Variants in PPT1 observed in about 807,000 individuals in gnomAD.
PPT1 encodes ceroid-palmitoyl-palmitoyl-protein thioesterase 1.
Under a neutral mutation model 44.0 loss-of-function variants are expected in PPT1, and 24 were observed. That is an observed-to-expected ratio of 0.54 (90% CI 0.39 to 0.77). PPT1 has a LOEUF of 0.77. Ranked by LOEUF, PPT1 falls within the 30% of genes least tolerant of loss-of-function variation. The pLI is 0.00. For synonymous variants in PPT1, 148 were observed against 140.2 expected (o/e 1.06, Z -0.39); for missense variants, 341 against 378.8 (o/e 0.90, Z 0.83).
At chr1:40,096,993 G>T in intron 1 of PPT1, 122 bp downstream of exon 1, 1 of 1,550,786 alleles carries the variant, frequency 6.4e-7, no homozygotes, top group Non-Finnish European at 8.9e-7. Context: ...ATCCTAAAAT[G>T]TCGAGGCAGC....
intron 6 of PPT1, among the ~76,000 whole-genome samples, chr1:40,079,676 G>A (rs753656709): frequency 5.3e-5 from 8 of 152,076 alleles, no homozygotes; most frequent in South Asian, 2.1e-4. Context: ...GATTACAGGC[G>A]TGAGCCACCA....
In PPT1 at chr1:40,080,615, C is replaced by A. The variant is rs998878283; in HGVS notation, c.537-128G>T. The stretch of plus-strand genomic sequence containing the variant: ...GGCCAGCCAGGCACAGTGGCTCACA[C>A]CTGTAATCCCAGCACTTTGGGAGGC... On this transcript the variant is annotated intron_variant, in intron 5 of 8. Coordinates refer to ENST00000642050, the MANE Select transcript of PPT1 (RefSeq NM_000310.4). The A allele has an allele frequency of 5.1e-5, 42 of 831,088 alleles. No individual in the cohort carries two copies. In the African/African-American group the frequency reaches 6.1e-4, roughly 12 times the overall value. The allele number at this position is 831,088 out of a possible 1,614,324, so 51.5% of individuals were successfully genotyped here.
rs749473578 is a variant in PPT1 at position 40,092,050 on chromosome 1, T to C, written c.357A>G (p.Gln119=). ...TATAACAAAAAGGAACGTACAGAAA[T>C]TGGCCTCCCTGGGAGAATCCCATAG... The part of the protein sequence containing the change: ...YNAMGFSQGG[Q]FLRAVAQRCP... Residue 119 remains glutamine, a synonymous_variant, in exon 3 of 9, where the codon CAA becomes CAG. Transcript: ENST00000642050. 6.2e-7 allele frequency: 1 copy of C among 1,613,924 alleles called. No homozygotes were observed. Among genetic ancestry groups the C allele is most frequent in the African/African-American group, 1.3e-5 (1 of 74,928 alleles).
intron 3 of PPT1, among the ~76,000 whole-genome samples, chr1:40,091,750 A>G (rs1320432818): frequency 2.0e-5 from 3 of 151,946 alleles, no homozygotes; most frequent in Non-Finnish European, 4.4e-5. Context: ...CTATAGTCCC[A>G]GCTACTCGGG....
rs1126973 is a variant in PPT1 at position 40,073,404 on chromosome 1, C to T, written c.*657G>A. 0.7 allele frequency: 107,105 copies of T among 152,628 alleles called. 37,758 individuals are homozygous for T. The highest frequency in any genetic ancestry group is 0.74 in the Non-Finnish European group (50,726 of 68,412). 9.5% of individuals were successfully genotyped at this position (152,628 alleles called of 1,614,324 possible). A position where few individuals can be genotyped will look rare whatever the true frequency, so the allele number is the denominator to read the frequency against. ...GATGTACATTTCCTCTCTTAAGCAA[C>T]TTAATTTGGGTGCTACTTCCCTCCT... is the stretch of plus-strand genomic sequence containing the variant. On this transcript the variant is annotated 3_prime_UTR_variant, in exon 9 of 9. Coordinates refer to ENST00000642050, the MANE Select transcript of PPT1 (RefSeq NM_000310.4).
chr1:40,076,862 C>G lies in PPT1; in HGVS notation c.778G>C (p.Glu260Gln). Residue 260 changes from glutamate (E) to glutamine (Q), a missense_variant, in exon 8 of 9, where the codon GAG (glutamate) becomes CAG (glutamine). Glu to Gln is a conservative substitution (Grantham distance 29). Transcript: ENST00000642050. ...GTTACCTGTGTGTACAGGGAGGTCT[C>G]CTGTAAGGGAATGGTTTCCTTGGCT... ...GQAKETIPLQETSLYTQDRLG... is the reference protein window; with the variant it reads ...GQAKETIPLQQTSLYTQDRLG... 1 of 1,614,184 alleles carries G rather than the reference C, an allele frequency of 6.2e-7. No homozygotes were observed. The highest frequency in any genetic ancestry group is 1.1e-5 in the South Asian group (1 of 91,080).
chr1:40,074,211 A>T lies in PPT1; in HGVS notation c.799-28T>A, dbSNP rs370403782. The stretch of plus-strand genomic sequence containing the variant: ...GCAGAAGGAAAGGCCATAATTAATT[A>T]AAAAGCTTAATGAAGTTTTGGAGTA... On this transcript the variant is annotated intron_variant, in intron 8 of 8. Transcript: ENST00000642050. 2.1e-5 allele frequency: 34 copies of T among 1,613,628 alleles called. No individual in the cohort carries two copies. The African/African-American group carries it at 3.6e-4, about 17-fold the overall frequency.
chr1:40,080,695 G>A (rs1648886772), intron 5 of PPT1, among the ~76,000 whole-genome samples: 1 of 152,176 alleles, frequency 6.6e-6, no homozygotes. Flanking sequence ...CCAAGATGGT[G>A]AAACCCCGTC....
chr1:40,074,082 G>A lies in PPT1; in HGVS notation c.900C>T (p.His300=), dbSNP rs747432731. 12 of 1,614,066 alleles carry A rather than the reference G, an allele frequency of 7.4e-6. No individual in the cohort carries two copies. In the South Asian group the frequency reaches 8.8e-5, roughly 12 times the overall value. ...GGTTTCATCCAAGGAATGGTATGAT[G>A]TGGGCATAAAACCATTCTTCAGACA... ...LQLSEEWFYA[H]IIPFLG The change falls in exon 9 of 9, where the codon CAC becomes CAT. Residue 300 remains histidine, a synonymous_variant. Transcript: ENST00000642050.
Position 40,092,174 on chromosome 1 carries a change from T to C in PPT1, c.235-2A>G, listed in dbSNP as rs746916852. 1.2e-6 allele frequency: 2 copies of C among 1,614,108 alleles called. No homozygotes were observed. Among genetic ancestry groups the C allele is most frequent in the African/African-American group, 1.3e-5 (1 of 75,020 alleles). ...CAAGAAGAAGCTGTTCTCCACGTCC[T>C]AAAAAAGAAGCCAGAGAGAAGTGAG... On this transcript the variant is annotated splice_acceptor_variant, in intron 2 of 8. Coordinates refer to ENST00000642050, the MANE Select transcript of PPT1 (RefSeq NM_000310.4). LOFTEE classifies it high-confidence loss of function.
rs767734537 is a variant in PPT1 at position 40,097,123 on chromosome 1, T to G, written c.116A>C (p.His39Pro). 1 of 1,614,048 alleles carries G rather than the reference T, an allele frequency of 6.2e-7. No individual in the cohort carries two copies. The highest frequency in any genetic ancestry group is 8.5e-7 in the Non-Finnish European group (1 of 1,179,924). The change falls in exon 1 of 9, where the codon CAT (histidine) becomes CCT (proline). Residue 39 changes from histidine (H) to proline (P), a missense_variant. By Grantham distance (77) the His-to-Pro change is moderately conservative. Transcript: ENST00000642050. ...PPAPLPLVIW[H>P]GMGDSCCNPL... The stretch of plus-strand genomic sequence containing the variant: ...ATTTCTCACTCACTCACCCATCCCA[T>G]GCCAGATCACCAACGGCAGCGGCGC...
intron 7 of PPT1, 129 bp downstream of exon 7, chr1:40,078,431 A>T (rs1271350867): frequency 2.4e-6 from 2 of 849,802 alleles, no homozygotes; most frequent in Non-Finnish European, 3.9e-6. Flanking sequence ...TGAACTCCTG[A>T]CCTCAGGTGA....
chr1:40,094,084 T>C, intron 1 of PPT1: 1 of 648,136 alleles, frequency 1.5e-6, no homozygotes, highest in Non-Finnish European at 2.9e-6. Flanking sequence ...AAATGAAAAA[T>C]AAGCAGAGGT....
chr1:40,073,758 C>A lies in PPT1; in HGVS notation c.*303G>T. The A allele has an allele frequency of 2.6e-6, 1 of 385,376 alleles. No homozygotes were observed. Among genetic ancestry groups the A allele is most frequent in the Non-Finnish European group, 4.9e-6 (1 of 204,186 alleles). The allele number at this position is 385,376 out of a possible 1,614,324, so 23.9% of individuals were successfully genotyped here. ...ACTTTAGTTAGTTGTCTCCTTTGGGCCTGGGCACAGTTCTGGCACTGATCT... is the reference window on the plus strand; with the variant it reads ...ACTTTAGTTAGTTGTCTCCTTTGGGACTGGGCACAGTTCTGGCACTGATCT... On this transcript the variant is annotated 3_prime_UTR_variant, in exon 9 of 9. Coordinates refer to ENST00000642050, the MANE Select transcript of PPT1 (RefSeq NM_000310.4).
chr1:40,089,717 T>C, intron 4 of PPT1: 1 of 650,210 alleles, frequency 1.5e-6, no homozygotes, highest in South Asian at 1.5e-5. Context: ...TAAGGATCTT[T>C]TTACCTGCTC....
chr1:40,083,543 C>A (rs964636353), intron 5 of PPT1, among the ~76,000 whole-genome samples: 3 of 152,084 alleles, frequency 2.0e-5, no homozygotes, highest in Non-Finnish European at 4.4e-5. Flanking sequence ...ACCTGGTCAC[C>A]CAAGCGCTCT....
chr1:40,096,515 T>C (rs567923634), intron 1 of PPT1, among the ~76,000 whole-genome samples: 2 of 152,174 alleles, frequency 1.3e-5, no homozygotes, highest in East Asian at 3.9e-4. Flanking sequence ...ATGTGATGGG[T>C]TGCACAAAAT....
At chr1:40,077,753 C>T (rs3122427) in intron 7 of PPT1, among the ~76,000 whole-genome samples, 123,751 of 151,988 alleles carry the variant, frequency 0.81, 50,492 homozygotes, top group East Asian at 0.89. Flanking sequence ...TAGAAATTGT[C>T]AGGTGGAGAA....
chr1:40,089,695 C>T, intron 4 of PPT1, 183 bp from the exon 5 acceptor site: 1 of 670,920 alleles, frequency 1.5e-6, no homozygotes, highest in South Asian at 1.5e-5. Flanking sequence ...TGCTGCTACA[C>T]TCTTTCCTGC....
Sources: gnomAD v4.1 joint callset for allele counts (sites outside exome capture counted in the v4.1 genomes callset) on GRCh38, gnomAD v4.1.1 for gene constraint, MANE v1.5 for transcripts, NCBI Gene and HGNC (gene_info 2026-07-23, HGNC 2026-07-21) for gene names.